The following PTDSS1 variants were observed in gnomAD, a reference collection of about 807,000 sequenced individuals.
The protein encoded by PTDSS1 is PSS-1.
In PTDSS1, 45 loss-of-function variants were observed where a neutral mutation model predicts 70.5. The observed-to-expected ratio is 0.64, with a 90% confidence interval of 0.50 to 0.82. The LOEUF is 0.82. PTDSS1 is among the 40% of genes least tolerant of loss of function. The probability of loss-of-function intolerance (pLI) is 0.00; values close to 1 mark genes in which losing one functional copy is unlikely to be tolerated. For missense variants in PTDSS1, 417 were observed against 586.1 expected (o/e 0.71, Z 2.98); for synonymous variants, 188 against 203.8 (o/e 0.92, Z 0.66).
chr8:96,298,075 T>C (rs1289223380), intron 5 of PTDSS1, among the ~76,000 whole-genome samples: 3 of 152,188 alleles, frequency 2.0e-5, no homozygotes, highest in African/African-American at 7.2e-5. Flanking sequence ...ATATGTGTCA[T>C]TGACTTCTGC....
intron 2 of PTDSS1, among the ~76,000 whole-genome samples, chr8:96,283,218 T>C (rs932130416): frequency 7.2e-5 from 11 of 152,202 alleles, no homozygotes; most frequent in Non-Finnish European, 1.3e-4. Context: ...TAAAGAAGGC[T>C]GGGAAACAAG....
intron 1 of PTDSS1, among the ~76,000 whole-genome samples, chr8:96,264,392 A>G (rs1261826839): frequency 6.6e-6 from 1 of 152,218 alleles, no homozygotes; most frequent in Non-Finnish European, 1.5e-5. Context: ...ATTGAATGCT[A>G]CTGTCTTCTA....
intron 2 of PTDSS1, among the ~76,000 whole-genome samples, chr8:96,273,824 A>G (rs1810601629): frequency 6.6e-6 from 1 of 152,194 alleles, no homozygotes; most frequent in Admixed American, 6.5e-5. Flanking sequence ...TACTTAAATA[A>G]GTTGTCCCAA....
intron 4 of PTDSS1, among the ~76,000 whole-genome samples, chr8:96,294,668 T>TA (rs1193540056): frequency 1.3e-5 from 2 of 152,036 alleles, no homozygotes; most frequent in Non-Finnish European, 2.9e-5. Context: ...TATGACACGT[T>TA]AAAAAAAATT....
Position 96,333,784 on chromosome 8 carries a change from T to C in PTDSS1, c.*218T>C. On this transcript the variant is annotated 3_prime_UTR_variant, in exon 13 of 13. Transcript: ENST00000517309. ...GGGGGGCCTTTGCCAACGTGGGGTC[T>C]CTTCTAACTTCAGCACTTGACATGC... The C allele has an allele frequency of 1.4e-6, 1 of 701,982 alleles. No homozygotes were observed. The allele number at this position is 701,982 out of a possible 1,614,324, so 43.5% of individuals were successfully genotyped here.
chr8:96,279,768 G>A (rs570251834), intron 2 of PTDSS1, among the ~76,000 whole-genome samples: 4 of 151,980 alleles, frequency 2.6e-5, no homozygotes, highest in East Asian at 1.9e-4. Context: ...GTAGTGAGCC[G>A]AGATTGCGCC....
Position 96,336,098 on chromosome 8 carries a change from C to A in PTDSS1, c.*2532C>A, listed in dbSNP as rs964466898. Reference sequence around the variant, plus strand: ...TGTCTGTTTCCACCATTCATAGAAACCTTGGAACCACTCTCACAGCAATGC... The same window carrying A: ...TGTCTGTTTCCACCATTCATAGAAAACTTGGAACCACTCTCACAGCAATGC... On this transcript the variant is annotated 3_prime_UTR_variant, in exon 13 of 13. Coordinates refer to ENST00000517309, the MANE Select transcript of PTDSS1 (RefSeq NM_014754.3). 7 of 150,430 alleles carry A rather than the reference C, an allele frequency of 4.7e-5. No homozygotes were observed. The highest frequency in any genetic ancestry group is 1.8e-4 in the African/African-American group (7 of 39,798). 9.3% of individuals were successfully genotyped at this position (150,430 alleles called of 1,614,324 possible). A position where few individuals can be genotyped will look rare whatever the true frequency, so the allele number is the denominator to read the frequency against.
At chr8:96,306,038 CCTGGCCTGATTT>C (rs1811117440) in intron 7 of PTDSS1, among the ~76,000 whole-genome samples, 2 of 152,282 alleles carry the variant, frequency 1.3e-5, no homozygotes, top group Middle Eastern at 6.8e-3. Flanking sequence ...TTCTGTTAGA[CCTGGCCTGATTT>C]CTGTAAGGCA....
intron 8 of PTDSS1, among the ~76,000 whole-genome samples, chr8:96,307,444 A>C (rs1811140817): frequency 8.3e-6 from 1 of 120,926 alleles, no homozygotes; most frequent in African/African-American, 3.4e-5. Context: ...ATCATTCAAT[A>C]TTACCAAAAA....
intron 7 of PTDSS1, among the ~76,000 whole-genome samples, 169 bp from the exon 8 acceptor site, chr8:96,306,275 G>A (rs112739565): frequency 9.9e-4 from 151 of 152,280 alleles, no homozygotes; most frequent in African/African-American, 3.5e-3. Flanking sequence ...TGCCCATAAT[G>A]TACTGGCTGT....
At chr8:96,272,881 TC>T (rs1810586339) in intron 1 of PTDSS1, among the ~76,000 whole-genome samples, 1 of 152,150 alleles carries the variant, frequency 6.6e-6, no homozygotes, top group African/African-American at 2.4e-5. Context: ...AAACTGGTGT[TC>T]CTGGAAATTG....
intron 10 of PTDSS1, among the ~76,000 whole-genome samples, chr8:96,327,769 C>T (rs994414143): frequency 2.6e-5 from 4 of 152,174 alleles, no homozygotes; most frequent in Non-Finnish European, 5.9e-5. Flanking sequence ...TGGGGTCCTG[C>T]GCCCTCCTTG....
chr8:96,303,982 CT>C, intron 6 of PTDSS1, 57 bp from the exon 7 acceptor site: 1 of 1,516,078 alleles, frequency 6.6e-7, no homozygotes, highest in African/African-American at 1.4e-5. Context: ...TTTTCTTGTG[CT>C]TTGTTTTCCC....
intron 3 of PTDSS1, among the ~76,000 whole-genome samples, chr8:96,285,791 A>T (rs1224254783): frequency 2.0e-5 from 3 of 152,166 alleles, no homozygotes; most frequent in Non-Finnish European, 4.4e-5. Context: ...AGAACTCCAG[A>T]TTGAGAATCC....
At chr8:96,295,358 C>G (rs1046559606) in intron 5 of PTDSS1, 102 bp downstream of exon 5, 3 of 1,274,970 alleles carry the variant, frequency 2.4e-6, no homozygotes, top group Non-Finnish European at 3.1e-6. Context: ...CGTTCTCCAG[C>G]CCCTGTGGTA....
In PTDSS1 at chr8:96,281,186, T is replaced by A. The variant is rs182141375; in HGVS notation, c.272-2923T>A. ...TGCCAGCCTCATCCTCGATTTTTTT[T>A]AAAAAAGTAAAATGATACTTTTAGC... On this transcript the variant is annotated intron_variant, in intron 2 of 12. Transcript: ENST00000517309. 5.9e-3 allele frequency among the ~76,000 whole-genome samples: 903 copies of A among 152,266 alleles called. 8 individuals are homozygous for A. Among genetic ancestry groups the A allele is most frequent in the African/African-American group, 0.02 (847 of 41,540 alleles).
chr8:96,327,166 G>T (rs141945122), intron 10 of PTDSS1, among the ~76,000 whole-genome samples: 65 of 152,314 alleles, frequency 4.3e-4, no homozygotes, highest in African/African-American at 1.5e-3. Context: ...GGATTTGGTC[G>T]TTGGTGGAAA....
intron 11 of PTDSS1, chr8:96,330,635 G>T: frequency 2.7e-6 from 1 of 374,128 alleles, no homozygotes; most frequent in Non-Finnish European, 4.9e-6. Flanking sequence ...CTGTGTTCCG[G>T]CCTGTGGCTC....
intron 6 of PTDSS1, among the ~76,000 whole-genome samples, chr8:96,301,667 C>A (rs975411574): frequency 1.3e-5 from 2 of 151,588 alleles, no homozygotes; most frequent in Non-Finnish European, 2.9e-5. Context: ...TTAGCCACCA[C>A]GCCCGGCTAA....
Sources: gnomAD v4.1 joint callset for allele counts (sites outside exome capture counted in the v4.1 genomes callset) on GRCh38, gnomAD v4.1.1 for gene constraint, MANE v1.5 for transcripts, NCBI Gene and HGNC (gene_info 2026-07-23, HGNC 2026-07-21) for gene names.